PSKH1: variants seen among roughly 807,000 people sequenced by gnomAD.
The protein encoded by PSKH1 is protein serine kinase H1.
Under a neutral mutation model 26.7 loss-of-function variants are expected in PSKH1, and 12 were observed. The observed-to-expected ratio is 0.45, with a 90% CI of 0.29 to 0.73. PSKH1 has a LOEUF of 0.73. PSKH1 is among the 30% of genes least tolerant of loss of function. The probability of loss-of-function intolerance (pLI) is 0.11; values close to 1 mark genes in which losing one functional copy is unlikely to be tolerated. For missense variants in PSKH1, 431 were observed against 595.2 expected, an observed-to-expected ratio of 0.72 and a Z score of 2.87; for synonymous variants, 213 against 234.3, an observed-to-expected ratio of 0.91 and a Z score of 0.83.
At chr16:67,900,351 C>G (rs1229666113) in intron 1 of PSKH1, among the ~76,000 whole-genome samples, 1 of 152,194 alleles carries the variant, frequency 6.6e-6, no homozygotes, top group Non-Finnish European at 1.5e-5. Context: ...CCTCAAGGGT[C>G]TGACAGCTGT....
chr16:67,907,556 C>T (rs1192897826), intron 1 of PSKH1, among the ~76,000 whole-genome samples: 1 of 152,176 alleles, frequency 6.6e-6, no homozygotes, highest in Non-Finnish European at 1.5e-5. Context: ...CCACTGTGCC[C>T]GGCCCCGCCT....
intron 2 of PSKH1, among the ~76,000 whole-genome samples, chr16:67,914,680 C>G (rs890165676): frequency 6.6e-6 from 1 of 152,174 alleles, no homozygotes; most frequent in Non-Finnish European, 1.5e-5. Flanking sequence ...TCTTAAACTC[C>G]TGACCTCAGG....
In PSKH1 at chr16:67,909,658, C is replaced by A; in HGVS notation, c.909C>A (p.Thr303=). 6.2e-7 allele frequency: 1 copy of A among 1,613,532 alleles called. No homozygotes were observed. The highest frequency in any genetic ancestry group is 8.5e-7 in the Non-Finnish European group (1 of 1,180,014). Residue 303 remains threonine (T), a synonymous_variant, in exon 2 of 3, where the codon ACC becomes ACA. Coordinates refer to ENST00000291041, the MANE Select transcript of PSKH1 (RefSeq NM_006742.3). This position sits in a 1 kb window ranked among gnomAD's most constrained non-coding sequence, Gnocchi z 7.8. The part of the protein sequence containing the change: ...GTMPFEDDNR[T]RLYRQILRGK... ...TGCCGTTTGAGGATGACAACCGTAC[C>A]CGGCTGTACCGGCAGATCCTCAGGG...
At chr16:67,915,603 A>G (rs2058185710) in intron 2 of PSKH1, among the ~76,000 whole-genome samples, 1 of 151,902 alleles carries the variant, frequency 6.6e-6, no homozygotes, top group Non-Finnish European at 1.5e-5. Flanking sequence ...AGCCTCTGCC[A>G]CTCCCTGGCA....
At chr16:67,907,551 G>A (rs2058160082) in intron 1 of PSKH1, among the ~76,000 whole-genome samples, 1 of 152,224 alleles carries the variant, frequency 6.6e-6, no homozygotes, top group Non-Finnish European at 1.5e-5. Flanking sequence ...ATGAGCCACT[G>A]TGCCCGGCCC....
chr16:67,920,822 A>G (rs2058200421), intron 2 of PSKH1, among the ~76,000 whole-genome samples: 1 of 152,240 alleles, frequency 6.6e-6, no homozygotes, highest in Non-Finnish European at 1.5e-5. Context: ...AGCTTGGAGC[A>G]GAAGGCTTAG....
At chr16:67,900,917 A>T (rs1567397208) in intron 1 of PSKH1, among the ~76,000 whole-genome samples, 2 of 152,214 alleles carry the variant, frequency 1.3e-5, no homozygotes, top group East Asian at 3.9e-4. Context: ...AGGGGCACAC[A>T]CAAGAGATGC....
In PSKH1 at chr16:67,927,274, G is replaced by A. The variant is rs1336262896; in HGVS notation, c.958-51G>A. ...GCTGAGTAGTGGCCTCATCCAGATG[G>A]GGTGGGCAGTGTCAGATGCTCTCAC... On this transcript the variant is annotated intron_variant, in intron 2 of 2. Coordinates refer to ENST00000291041, the MANE Select transcript of PSKH1 (RefSeq NM_006742.3). The surrounding 1 kb of genome is among the most constrained non-coding windows in gnomAD (Gnocchi z 5.5). The A allele has an allele frequency of 1.3e-6, 2 of 1,527,638 alleles. No individual in the cohort carries two copies. Among genetic ancestry groups the A allele is most frequent in the Admixed American group, 1.8e-5 (1 of 55,164 alleles). The allele number at this position is 1,527,638 out of a possible 1,614,324, so 94.6% of individuals were successfully genotyped here. A position where few individuals can be genotyped will look rare whatever the true frequency, so the allele number is the denominator to read the frequency against.
chr16:67,911,679 TC>T (rs200994165), intron 2 of PSKH1, among the ~76,000 whole-genome samples: 12 of 150,762 alleles, frequency 8.0e-5, no homozygotes, highest in South Asian at 4.2e-4. Context: ...TGAAACTCTG[TC>T]CCCCCCAAAA....
intron 1 of PSKH1, among the ~76,000 whole-genome samples, chr16:67,898,391 T>G (rs1278285069): frequency 6.6e-6 from 1 of 151,432 alleles, no homozygotes; most frequent in East Asian, 2.0e-4. Context: ...GGTGACAGAG[T>G]GAGACCCTGT....
chr16:67,908,902 GT>G lies in PSKH1; in HGVS notation c.155del (p.Phe52SerfsTer32). ...VDSVGPVKAG[F>X]PAASQYAHPC... is the part of the protein sequence containing the mutation. ...ACAGTGTTGGCCCTGTCAAAGCCGG[GT>G]TCCCAGCAGCAAGTCAGTATGCACA... On this transcript the variant is annotated frameshift_variant, in exon 2 of 3. Coordinates refer to ENST00000291041, the MANE Select transcript of PSKH1 (RefSeq NM_006742.3). LOFTEE classifies it high-confidence loss of function. 1 of 1,614,154 alleles carries G rather than the reference GT, an allele frequency of 6.2e-7. No homozygotes were observed. The highest frequency in any genetic ancestry group is 8.5e-7 in the Non-Finnish European group (1 of 1,180,018).
chr16:67,919,234 AT>A (rs1399186156), intron 2 of PSKH1, among the ~76,000 whole-genome samples: 1 of 152,090 alleles, frequency 6.6e-6, no homozygotes, highest in Non-Finnish European at 1.5e-5. Context: ...GGATGCTTTA[AT>A]TGCCTGACTT....
At chr16:67,926,774 T>A (rs542473252) in intron 2 of PSKH1, among the ~76,000 whole-genome samples, 221 of 151,880 alleles carry the variant, frequency 1.5e-3, no homozygotes, top group Middle Eastern at 3.4e-3. Context: ...CTCAGCCGAC[T>A]GGGAAATCTA....
chr16:67,900,571 A>G (rs2058138832), intron 1 of PSKH1, among the ~76,000 whole-genome samples: 1 of 152,148 alleles, frequency 6.6e-6, no homozygotes, highest in African/African-American at 2.4e-5. Context: ...GGAGCCCCAG[A>G]TGGGGAACTA....
rs781437460 is a variant in PSKH1 at position 67,909,753 on chromosome 16, G to C, written c.957+47G>C. On this transcript the variant is annotated intron_variant, in intron 2 of 2. Coordinates refer to ENST00000291041, the MANE Select transcript of PSKH1 (RefSeq NM_006742.3). This position sits in a 1 kb window ranked among gnomAD's most constrained non-coding sequence, Gnocchi z 7.8. ...CCTGGATGTTGGGGAGGCACCTGCG[G>C]GGGCAGGTATATCCTGCAGCTCTCA... The C allele has an allele frequency of 6.5e-7, 1 of 1,541,694 alleles. No homozygotes were observed. The highest frequency in any genetic ancestry group is 1.1e-5 in the South Asian group (1 of 87,774).
At position 67,927,628 on chromosome 16, in the gene PSKH1, C is replaced by T. The variant is rs199646456; in HGVS notation, c.1261C>T (p.Gln421Ter). The change falls in exon 3 of 3, where the codon CAA (glutamine) becomes TAA (stop). Residue 421 changes from glutamine to a stop codon, truncating the protein, a stop_gained. Coordinates refer to ENST00000291041, the MANE Select transcript of PSKH1 (RefSeq NM_006742.3). LOFTEE classifies it high-confidence loss of function. The surrounding 1 kb of genome is among the most constrained non-coding windows in gnomAD (Gnocchi z 5.5). ...GGAGCTCAACCTGCGCTACCAGCAG[C>T]AATACAATGGCTGAGCCGCCTGGCT... ...LRELNLRYQQ[Q>*]YNG The T allele has an allele frequency of 1.9e-6, 3 of 1,605,436 alleles. No individual in the cohort carries two copies. The African/African-American group carries it at 4.0e-5, about 21-fold the overall frequency.
intron 1 of PSKH1, among the ~76,000 whole-genome samples, chr16:67,893,874 CA>C (rs1382533065): frequency 6.6e-6 from 1 of 152,182 alleles, no homozygotes; most frequent in Non-Finnish European, 1.5e-5. Flanking sequence ...CCTCTACCTG[CA>C]AGGGGAAGCC....
At chr16:67,908,518 C>G (rs1441823084) in intron 1 of PSKH1, among the ~76,000 whole-genome samples, 162 bp from the exon 2 acceptor site, 1 of 152,224 alleles carries the variant, frequency 6.6e-6, no homozygotes, top group Non-Finnish European at 1.5e-5. Context: ...ATCCACCTGC[C>G]TCAGCTTCCC....
At chr16:67,925,197 TA>T (rs1373590711) in intron 2 of PSKH1, among the ~76,000 whole-genome samples, 26 of 149,938 alleles carry the variant, frequency 1.7e-4, no homozygotes, top group South Asian at 4.2e-4. Flanking sequence ...TCAATATGAA[TA>T]TTTTTTTTTT....
Sources: gnomAD v4.1 joint callset for allele counts (sites outside exome capture counted in the v4.1 genomes callset) on GRCh38, gnomAD v4.1.1 for gene constraint, Gnocchi (gnomAD v3.1) non-coding constraint, MANE v1.5 for transcripts, NCBI Gene and HGNC (gene_info 2026-07-23, HGNC 2026-07-21) for gene names.